The following ACVR1 variants were observed in gnomAD, a reference collection of about 807,000 sequenced individuals.
ACVR1 encodes the protein activin receptor type-1.
Under a neutral mutation model 57.1 loss-of-function variants are expected in ACVR1, and 38 were observed. That is an observed-to-expected ratio of 0.67 (90% CI 0.51 to 0.87). The LOEUF is 0.87. Among genes scored for constraint, ACVR1 ranks in the 40% least tolerant of loss-of-function variants. The pLI, the probability that ACVR1 is intolerant of heterozygous loss-of-function variation, is 0.00. For missense variants in ACVR1, 463 were observed against 638.2 expected, an observed-to-expected ratio of 0.73 and a Z score of 2.96; for synonymous variants, 212 against 228.1, an observed-to-expected ratio of 0.93 and a Z score of 0.63.
intron 1 of ACVR1, among the ~76,000 whole-genome samples, chr2:157,840,329 T>C (rs1466745767): frequency 1.3e-5 from 2 of 152,164 alleles, no homozygotes; most frequent in African/African-American, 2.4e-5. Context: ...GAGTTTTCCA[T>C]CACCTGCAAA....
intron 1 of ACVR1, among the ~76,000 whole-genome samples, chr2:157,834,871 C>A (rs1688723735): frequency 6.6e-6 from 1 of 151,994 alleles, no homozygotes; most frequent in Admixed American, 6.6e-5. Flanking sequence ...ATAAGAGAGA[C>A]CCCAGATAGC....
rs544278243 is a variant in ACVR1, at chr2:157,739,994, G to C, written c.1265-1424C>G. On this transcript the variant is annotated intron_variant, in intron 9 of 10. Transcript: ENST00000434821. ...GAGGTCAGTGTTCGAGACAAGCCTGGGCAACATGGCAAGACCCTGTCTCTA... is the reference window on the plus strand; with the variant it reads ...GAGGTCAGTGTTCGAGACAAGCCTGCGCAACATGGCAAGACCCTGTCTCTA... Among the ~76,000 whole-genome samples the C allele has an allele frequency of 4.6e-5, 7 of 152,114 alleles. No homozygotes were observed. In the South Asian group the frequency reaches 1.5e-3, roughly 32 times the overall value.
chr2:157,846,968 A>G (rs1414514402), intron 1 of ACVR1, among the ~76,000 whole-genome samples: 1 of 152,214 alleles, frequency 6.6e-6, no homozygotes, highest in African/African-American at 2.4e-5. Flanking sequence ...TGGATAGGTA[A>G]AGATTAAAGG....
At chr2:157,786,137 T>C (rs1686703062) in intron 3 of ACVR1, among the ~76,000 whole-genome samples, 1 of 152,200 alleles carries the variant, frequency 6.6e-6, no homozygotes, top group Non-Finnish European at 1.5e-5. Context: ...TCACCTTACA[T>C]GTTACTTCCT....
chr2:157,784,788 G>C (rs9288695), intron 3 of ACVR1, among the ~76,000 whole-genome samples: 118,852 of 152,230 alleles, frequency 0.78, 46,505 homozygotes, highest in East Asian at 0.93. Context: ...TTCCTGCTCT[G>C]TATGATCCTC....
intron 3 of ACVR1, among the ~76,000 whole-genome samples, chr2:157,784,401 C>T (rs756268227): frequency 4.6e-5 from 7 of 152,180 alleles, no homozygotes; most frequent in African/African-American, 7.2e-5. Flanking sequence ...CTTGCCTGTG[C>T]GAATATCCAG....
intron 3 of ACVR1, among the ~76,000 whole-genome samples, chr2:157,793,872 T>C (rs1485853422): frequency 6.6e-6 from 1 of 152,120 alleles, no homozygotes; most frequent in Non-Finnish European, 1.5e-5. Flanking sequence ...CTTCCATCAT[T>C]GGGTAGTGGG....
intron 1 of ACVR1, among the ~76,000 whole-genome samples, chr2:157,832,910 T>A (rs971486891): frequency 1.3e-5 from 2 of 152,130 alleles, no homozygotes; most frequent in African/African-American, 4.8e-5. Context: ...ATTAATACAA[T>A]CTATATTTAT....
At chr2:157,749,126 C>T (rs1685081928) in intron 9 of ACVR1, among the ~76,000 whole-genome samples, 1 of 152,170 alleles carries the variant, frequency 6.6e-6, no homozygotes, top group African/African-American at 2.4e-5. Context: ...AGAGGTTCAT[C>T]TAGTTAATTC....
At chr2:157,850,905 C>T (rs1037134709) in intron 1 of ACVR1, among the ~76,000 whole-genome samples, 1 of 151,978 alleles carries the variant, frequency 6.6e-6, no homozygotes, top group Non-Finnish European at 1.5e-5. Context: ...TGTAATGAGT[C>T]GAGATCGCGC....
At chr2:157,855,321 T>TACACACAC (rs752485468) in intron 1 of ACVR1, among the ~76,000 whole-genome samples, 2 of 109,358 alleles carry the variant, frequency 1.8e-5, no homozygotes, top group East Asian at 3.6e-4. Context: ...TATATATATA[T>TACACACAC]ATACACACAC....
intron 1 of ACVR1, among the ~76,000 whole-genome samples, chr2:157,837,457 A>G (rs1184572301): frequency 1.3e-5 from 2 of 152,178 alleles, no homozygotes; most frequent in African/African-American, 4.8e-5. Context: ...ACCATTTTCC[A>G]TTATCTTCTA....
rs1687140007 is a variant in ACVR1, at chr2:157,796,769, G to C, written c.67+2658C>G. Among the ~76,000 whole-genome samples the C allele has an allele frequency of 2.6e-5, 4 of 151,298 alleles. No homozygotes were observed. In the South Asian group the frequency reaches 8.3e-4, roughly 32 times the overall value. ...CCAGCAATTATCAAGTATCCCCTGG[G>C]GGATAAAACTACCCCAATTGAAAAA... On this transcript the variant is annotated intron_variant, in intron 3 of 10. Transcript: ENST00000434821.
At chr2:157,836,190 G>A (rs1218626027) in intron 1 of ACVR1, among the ~76,000 whole-genome samples, 1 of 152,220 alleles carries the variant, frequency 6.6e-6, no homozygotes, top group Non-Finnish European at 1.5e-5. Context: ...ACTTTGCTGT[G>A]TAAATTAAAA....
intron 8 of ACVR1, 108 bp from the exon 9 acceptor site, chr2:157,761,185 G>T: frequency 9.7e-7 from 1 of 1,030,280 alleles, no homozygotes; most frequent in Non-Finnish European, 1.5e-6. Context: ...GTGGATCCAG[G>T]GTCACTGTTG....
chr2:157,750,824 A>G (rs1227579128), intron 9 of ACVR1, among the ~76,000 whole-genome samples: 1 of 152,182 alleles, frequency 6.6e-6, no homozygotes, highest in Admixed American at 6.5e-5. Flanking sequence ...ATAAGAGAAC[A>G]CAAGTTAAAA....
chr2:157,763,279 T>C (rs1487541642), intron 8 of ACVR1, among the ~76,000 whole-genome samples: 1 of 152,240 alleles, frequency 6.6e-6, no homozygotes, highest in African/African-American at 2.4e-5. Flanking sequence ...TTGTGATGCC[T>C]GTAACACTTT....
chr2:157,791,892 T>C (rs1370187914), intron 3 of ACVR1, among the ~76,000 whole-genome samples: 1 of 152,246 alleles, frequency 6.6e-6, no homozygotes, highest in Non-Finnish European at 1.5e-5. Context: ...TAACTCTACA[T>C]GGCATGCTAC....
rs1161335923 is a variant in ACVR1, at chr2:157,863,336, C to CTTTTTTTTTTTTTTTTTTTTTT, written c.-183+12438_-183+12459dup. Reference sequence around the variant, plus strand: ...CCTATAGAACAGTTAAATTGTTTCTCTTTTTTTTTTTTTTTTTTTTTTTTT... The same window carrying CTTTTTTTTTTTTTTTTTTTTTT: ...CCTATAGAACAGTTAAATTGTTTCTCTTTTTTTTTTTTTTTTTTTTTTTTTTTTTTTTTTTTTTTTTTTTTTT... On this transcript the variant is annotated intron_variant, in intron 1 of 10. Coordinates refer to ENST00000434821, the MANE Select transcript of ACVR1 (RefSeq NM_001111067.4). Among the ~76,000 whole-genome samples, 5 of 35,686 alleles carry CTTTTTTTTTTTTTTTTTTTTTT rather than the reference C, an allele frequency of 1.4e-4. 2 individuals are homozygous for CTTTTTTTTTTTTTTTTTTTTTT. Among genetic ancestry groups the CTTTTTTTTTTTTTTTTTTTTTT allele is most frequent in the Non-Finnish European group, 2.4e-4 (5 of 20,822 alleles). The allele number at this position is 35,686 out of a possible 152,430, so 23.4% of individuals were successfully genotyped here.
Sources: gnomAD v4.1 joint callset for allele counts (sites outside exome capture counted in the v4.1 genomes callset) on GRCh38, gnomAD v4.1.1 for gene constraint, MANE v1.5 for transcripts, NCBI Gene and HGNC (gene_info 2026-07-23, HGNC 2026-07-21) for gene names.